TMEM132D: variants seen among roughly 807,000 people sequenced by gnomAD.
The protein encoded by TMEM132D is transmembrane protein 132D.
Under a neutral mutation model 62.3 loss-of-function variants are expected in TMEM132D, and 21 were observed. The observed-to-expected ratio is 0.34, with a 90% CI of 0.24 to 0.49. TMEM132D has a LOEUF of 0.49. Among genes scored for constraint, TMEM132D ranks in the 20% least tolerant of loss-of-function variants. The pLI, the probability that TMEM132D is intolerant of heterozygous loss-of-function variation, is 0.99. For missense variants in TMEM132D, 1,346 were observed against 1,402.8 expected, an observed-to-expected ratio of 0.96 and a Z score of 0.65; for synonymous variants, 621 against 575.6, an observed-to-expected ratio of 1.08 and a Z score of -1.13.
At chr12:129,538,218 A>G (rs78044738) in intron 2 of TMEM132D, among the ~76,000 whole-genome samples, 4,723 of 152,092 alleles carry the variant, frequency 0.031, 86 homozygotes, top group Non-Finnish European at 0.044. Flanking sequence ...AAACAAAAAA[A>G]CTCCCGAACT....
intron 3 of TMEM132D, among the ~76,000 whole-genome samples, chr12:129,455,068 A>AAG (rs1415116358): frequency 4.6e-5 from 7 of 152,242 alleles, no homozygotes; most frequent in African/African-American, 1.7e-4. Context: ...CCAAAAGCTC[A>AAG]GAGTGTTCAC....
Position 129,903,147 on chromosome 12 carries a change from A to G in TMEM132D, c.79+114T>C, listed in dbSNP as rs1593205514. The G allele has an allele frequency of 2.5e-5, 28 of 1,113,360 alleles. No individual in the cohort carries two copies. The South Asian group carries it at 2.8e-4, about 11-fold the overall frequency. The allele number at this position is 1,113,360 out of a possible 1,614,324, so 69.0% of individuals were successfully genotyped here. A position where few individuals can be genotyped will look rare whatever the true frequency, so the allele number is the denominator to read the frequency against. On this transcript the variant is annotated intron_variant, in intron 1 of 8. Transcript: ENST00000422113. The surrounding 1 kb of genome is among the most constrained non-coding windows in gnomAD (Gnocchi z 6.2). ...CACACACACATGCACACAAGCGCGC[A>G]CACACACTTGCACACGAGCCCTCTC...
intron 4 of TMEM132D, among the ~76,000 whole-genome samples, chr12:129,308,916 G>A (rs1333594386): frequency 1.3e-5 from 2 of 152,210 alleles, no homozygotes; most frequent in African/African-American, 4.8e-5. Flanking sequence ...TTAAATGACT[G>A]GAAGAGGAGC....
chr12:129,303,065 C>A (rs1236864986), intron 4 of TMEM132D, among the ~76,000 whole-genome samples: 1 of 152,206 alleles, frequency 6.6e-6, no homozygotes, highest in Non-Finnish European at 1.5e-5. Context: ...AATCCATCAG[C>A]AAGCATTGAT....
chr12:129,205,376 GAAA>G lies in TMEM132D; in HGVS notation c.1443+4141_1443+4143del, dbSNP rs35326308. 5.8e-4 allele frequency among the ~76,000 whole-genome samples: 65 copies of G among 111,422 alleles called. 1 individual carries two copies. The highest frequency in any genetic ancestry group is 5.1e-3 in the South Asian group (17 of 3,338). 73.1% of individuals were successfully genotyped at this position (111,422 alleles called of 152,430 possible). A position where few individuals can be genotyped will look rare whatever the true frequency, so the allele number is the denominator to read the frequency against. On this transcript the variant is annotated intron_variant, in intron 5 of 8. Coordinates refer to ENST00000422113, the MANE Select transcript of TMEM132D (RefSeq NM_133448.3). ...AGCAAGAGTTACAATCCTAATTTCA[GAAA>G]AAAAAAAAAAAAACTGACTTTAAAC...
chr12:129,792,201 G>A (rs1871419015), intron 1 of TMEM132D, among the ~76,000 whole-genome samples: 1 of 152,182 alleles, frequency 6.6e-6, no homozygotes, highest in Non-Finnish European at 1.5e-5. Context: ...TGCATAGGTT[G>A]CTCTGTTGCT....
At chr12:129,379,205 G>A (rs1226122884) in intron 3 of TMEM132D, among the ~76,000 whole-genome samples, 1 of 152,070 alleles carries the variant, frequency 6.6e-6, no homozygotes, top group Non-Finnish European at 1.5e-5. Flanking sequence ...ATAAACACAT[G>A]CACACACACA....
chr12:129,752,947 G>A (rs1052307759), intron 1 of TMEM132D, among the ~76,000 whole-genome samples: 5 of 152,186 alleles, frequency 3.3e-5, no homozygotes, highest in Non-Finnish European at 7.3e-5. Flanking sequence ...AGCAACTTTG[G>A]TGAGAAGCTA....
At position 129,074,943 on chromosome 12, in the gene TMEM132D, G is replaced by T. The variant is rs1874203229; in HGVS notation, c.2232C>A (p.Ser744=). 1.9e-6 allele frequency: 3 copies of T among 1,614,040 alleles called. No individual in the cohort carries two copies. The highest frequency in any genetic ancestry group is 2.5e-6 in the Non-Finnish European group (3 of 1,180,008). Residue 744 remains serine (S), a synonymous_variant, in exon 9 of 9, where the codon TCC becomes TCA. Transcript: ENST00000422113. ...MATSLDEKVV[S]IHQDPKFKWP... The stretch of plus-strand genomic sequence containing the variant: ...ACTTGAATTTGGGGTCTTGGTGGAT[G>T]GAGACTACCTTCTCATCCAAAGATG...
chr12:129,878,235 C>G (rs1291527961), intron 1 of TMEM132D, among the ~76,000 whole-genome samples: 1 of 152,192 alleles, frequency 6.6e-6, no homozygotes, highest in Non-Finnish European at 1.5e-5. Flanking sequence ...GGGCTCAAAC[C>G]CCAAATCTCT....
chr12:129,339,607 A>G (rs1170736095), intron 3 of TMEM132D, among the ~76,000 whole-genome samples: 1 of 152,112 alleles, frequency 6.6e-6, no homozygotes, highest in East Asian at 1.9e-4. Context: ...AAAGAATGCC[A>G]CTGTCTCTTT....
intron 1 of TMEM132D, among the ~76,000 whole-genome samples, chr12:129,765,355 T>C (rs1870516542): frequency 6.6e-6 from 1 of 151,894 alleles, no homozygotes; most frequent in Admixed American, 6.6e-5. Flanking sequence ...TCACCTGAGG[T>C]TGAGAGTTTG....
At position 129,660,710 on chromosome 12, in the gene TMEM132D, G is replaced by A. The variant is rs548236509; in HGVS notation, c.968+39100C>T. ...GTACAGGAGCTAGTCTGCACACCTT[G>A]TACCAAAATGTACTAATGACAATAC... On this transcript the variant is annotated intron_variant, in intron 2 of 8. Transcript: ENST00000422113. Among the ~76,000 whole-genome samples the A allele has an allele frequency of 4.9e-4, 74 of 152,254 alleles. 1 individual carries two copies. The highest frequency in any genetic ancestry group is 1.6e-3 in the African/African-American group (65 of 41,548).
chr12:129,384,633 T>C (rs1008544357), intron 3 of TMEM132D, among the ~76,000 whole-genome samples: 32 of 152,094 alleles, frequency 2.1e-4, no homozygotes, highest in African/African-American at 7.5e-4. Flanking sequence ...GCTAAGCCCC[T>C]GGCTACTCCA....
At chr12:129,389,591 TTAAAC>T (rs1871240840) in intron 3 of TMEM132D, among the ~76,000 whole-genome samples, 1 of 149,792 alleles carries the variant, frequency 6.7e-6, no homozygotes, top group Non-Finnish European at 1.5e-5. Context: ...ACACTAACAC[TTAAAC>T]TAAAACTAAT....
At chr12:129,352,133 T>G (rs1195576069) in intron 3 of TMEM132D, among the ~76,000 whole-genome samples, 1 of 152,176 alleles carries the variant, frequency 6.6e-6, no homozygotes, top group African/African-American at 2.4e-5. Flanking sequence ...AGTTGGGCAT[T>G]CCCAGCCTCA....
At chr12:129,716,651 G>C (rs1314202734) in intron 1 of TMEM132D, among the ~76,000 whole-genome samples, 1 of 152,090 alleles carries the variant, frequency 6.6e-6, no homozygotes, top group African/African-American at 2.4e-5. Context: ...ATGGCAAAGG[G>C]GACTTTGCAG....
At position 129,266,926 on chromosome 12, in the gene TMEM132D, C is replaced by A. The variant is rs900257; in HGVS notation, c.1300-57263G>T. Among the ~76,000 whole-genome samples the A allele has an allele frequency of 3.9e-3, 592 of 152,156 alleles. 3 individuals carry two copies. The highest frequency in any genetic ancestry group is 0.013 in the African/African-American group (553 of 41,518). On this transcript the variant is annotated intron_variant, in intron 4 of 8. Coordinates refer to ENST00000422113, the MANE Select transcript of TMEM132D (RefSeq NM_133448.3). ...TCCTCTCACTCTTGGACATCCCAGC[C>A]CCAGTCTGTTTTTTACCCAGCACCA...
chr12:129,333,827 TA>T (rs1206551660), intron 4 of TMEM132D, among the ~76,000 whole-genome samples: 1 of 152,032 alleles, frequency 6.6e-6, no homozygotes, highest in African/African-American at 2.4e-5. Flanking sequence ...TTATAAAATA[TA>T]AAAAATTATA....
Sources: gnomAD v4.1 joint callset for allele counts (sites outside exome capture counted in the v4.1 genomes callset) on GRCh38, gnomAD v4.1.1 for gene constraint, Gnocchi (gnomAD v3.1) non-coding constraint, MANE v1.5 for transcripts, NCBI Gene and HGNC (gene_info 2026-07-23, HGNC 2026-07-21) for gene names.